LUZP2: variants seen among roughly 807,000 people sequenced by gnomAD.
LUZP2 encodes leucine zipper protein 2.
In LUZP2, 52 loss-of-function variants were observed where a neutral mutation model predicts 51.6. The observed-to-expected ratio is 1.01, with a 90% CI of 0.81 to 1.27. LUZP2 has a LOEUF of 1.27. Ranked by LOEUF, LUZP2 falls within the 50% of genes most tolerant of loss-of-function variation. LUZP2 has a pLI of 0.00. For synonymous variants in LUZP2, 154 were observed against 137.3 expected (o/e 1.12, Z -0.85); for missense variants, 436 against 395.4 (o/e 1.10, Z -0.87).
chr11:24,909,879 C>A (rs1197979908), intron 6 of LUZP2, among the ~76,000 whole-genome samples: 1 of 152,034 alleles, frequency 6.6e-6, no homozygotes, highest in Non-Finnish European at 1.5e-5. Flanking sequence ...TTGGAACTGG[C>A]TAACAGGCAG....
intron 5 of LUZP2, among the ~76,000 whole-genome samples, chr11:24,781,859 T>C (rs1458106541): frequency 6.6e-6 from 1 of 152,068 alleles, no homozygotes; most frequent in African/African-American, 2.4e-5. Flanking sequence ...GAAACTTTAA[T>C]ATGTATGAAA....
At chr11:24,953,050 A>G (rs531553190) in intron 7 of LUZP2, among the ~76,000 whole-genome samples, 2 of 152,088 alleles carry the variant, frequency 1.3e-5, no homozygotes, top group South Asian at 4.1e-4. Context: ...GAAATAGACT[A>G]CAGAAATGCA....
intron 1 of LUZP2, among the ~76,000 whole-genome samples, chr11:24,573,863 ATT>A (rs142461511): frequency 6.6e-6 from 1 of 151,016 alleles, no homozygotes; most frequent in East Asian, 1.9e-4. Flanking sequence ...TTCTTGTTTT[ATT>A]TTTTTTATTT....
At chr11:24,779,628 T>C (rs1181106719) in intron 5 of LUZP2, among the ~76,000 whole-genome samples, 1 of 152,160 alleles carries the variant, frequency 6.6e-6, no homozygotes, top group Non-Finnish European at 1.5e-5. Flanking sequence ...ACATGGAAAA[T>C]ACATGTAGTA....
chr11:25,053,276 G>A (rs1181673075), intron 10 of LUZP2, among the ~76,000 whole-genome samples: 1 of 152,066 alleles, frequency 6.6e-6, no homozygotes, highest in Non-Finnish European at 1.5e-5. Context: ...AACTAGAGTA[G>A]GAGATATTTT....
chr11:24,662,947 T>C (rs1856069068), intron 1 of LUZP2, among the ~76,000 whole-genome samples: 1 of 152,110 alleles, frequency 6.6e-6, no homozygotes, highest in African/African-American at 2.4e-5. Flanking sequence ...AAAAAATTCA[T>C]TAAAATGATT....
At chr11:24,500,057 C>T (rs374922112) in intron 1 of LUZP2, among the ~76,000 whole-genome samples, 13 of 152,246 alleles carry the variant, frequency 8.5e-5, no homozygotes, top group African/African-American at 2.6e-4. Context: ...CTTGTTCCTC[C>T]TTCTCACCTT....
intron 9 of LUZP2, among the ~76,000 whole-genome samples, chr11:25,034,284 TG>T (rs1479125746): frequency 2.0e-5 from 3 of 152,200 alleles, no homozygotes; most frequent in Admixed American, 2.0e-4. Context: ...ATTTGTTTTT[TG>T]CCTGTTGATT....
In LUZP2 at chr11:24,913,669, T is replaced by TTGTGTGTGTG. The variant is rs35901522; in HGVS notation, c.460-789_460-780dup. 9.4e-5 allele frequency among the ~76,000 whole-genome samples: 14 copies of TTGTGTGTGTG among 148,550 alleles called. No individual in the cohort carries two copies. In the South Asian group the frequency reaches 1.7e-3, roughly 18 times the overall value. ...CATGTGATCATGCTAATCTATTTAT[T>TTGTGTGTGTG]TGTGTGTGTGTGTGTGTGTGTGTGT... On this transcript the variant is annotated intron_variant, in intron 6 of 11. Coordinates refer to ENST00000336930, the MANE Select transcript of LUZP2 (RefSeq NM_001009909.4).
At chr11:25,053,295 T>A (rs991762816) in intron 10 of LUZP2, among the ~76,000 whole-genome samples, 3 of 152,162 alleles carry the variant, frequency 2.0e-5, no homozygotes, top group Non-Finnish European at 4.4e-5. Flanking sequence ...TTTGGTTAAC[T>A]TTTTTCTATT....
intron 1 of LUZP2, among the ~76,000 whole-genome samples, chr11:24,504,595 CT>C (rs1850095471): frequency 1.3e-5 from 2 of 152,118 alleles, no homozygotes; most frequent in South Asian, 4.2e-4. Context: ...ATAGCTGTGC[CT>C]TGTAGTCCCT....
At chr11:24,992,042 C>A (rs1349159346) in intron 9 of LUZP2, among the ~76,000 whole-genome samples, 1 of 151,814 alleles carries the variant, frequency 6.6e-6, no homozygotes, top group Middle Eastern at 3.2e-3. Flanking sequence ...GCTGACTGTT[C>A]CTTTTGTGGT....
intron 10 of LUZP2, among the ~76,000 whole-genome samples, chr11:25,061,524 G>A (rs781742651): frequency 3.3e-5 from 5 of 152,086 alleles, no homozygotes; most frequent in Non-Finnish European, 7.4e-5. Flanking sequence ...TGGGTGAACC[G>A]CATAGTGAAG....
chr11:24,854,543 A>C (rs998461497), intron 5 of LUZP2, among the ~76,000 whole-genome samples: 23 of 151,992 alleles, frequency 1.5e-4, no homozygotes, highest in Admixed American at 3.3e-4. Context: ...AGTGGATCTT[A>C]GCTTGCTGGG....
At chr11:24,729,404 T>C in intron 2 of LUZP2, 118 bp downstream of exon 2, 3 of 522,670 alleles carry the variant, frequency 5.7e-6, no homozygotes, top group Non-Finnish European at 6.8e-6. Context: ...ACCATGGTGG[T>C]TGTTACTTAC....
At chr11:24,542,733 A>G (rs895463658) in intron 1 of LUZP2, among the ~76,000 whole-genome samples, 3 of 121,060 alleles carry the variant, frequency 2.5e-5, no homozygotes, top group African/African-American at 1.1e-4. Flanking sequence ...AATCACTTTT[A>G]TTCAAAAAAA....
chr11:24,579,919 C>T (rs1852789944), intron 1 of LUZP2, among the ~76,000 whole-genome samples: 1 of 152,016 alleles, frequency 6.6e-6, no homozygotes, highest in East Asian at 1.9e-4. Flanking sequence ...TACATCTAAG[C>T]AAGAACTATG....
chr11:24,503,995 T>G (rs1002126726), intron 1 of LUZP2, among the ~76,000 whole-genome samples: 5 of 152,166 alleles, frequency 3.3e-5, no homozygotes, highest in African/African-American at 1.2e-4. Flanking sequence ...AAGAATGAGC[T>G]GGCCTAAATA....
rs72878842 is a variant in LUZP2, at chr11:24,596,056, G to C, written c.62+98751G>C. Among the ~76,000 whole-genome samples, 201 of 152,236 alleles carry C rather than the reference G, an allele frequency of 1.3e-3. 1 individual carries two copies. The highest frequency in any genetic ancestry group is 2.3e-3 in the Non-Finnish European group (156 of 68,018). On this transcript the variant is annotated intron_variant, in intron 1 of 11. Transcript: ENST00000336930. The stretch of plus-strand genomic sequence containing the variant: ...GTGACTCAGTTTTATCCATTTCATG[G>C]AGAATTTTTAAACTGCAGTAGTAGA...
Sources: allele counts gnomAD v4.1 joint callset (sites outside exome capture counted in the v4.1 genomes callset), GRCh38; gene constraint gnomAD v4.1.1; transcripts MANE v1.5; gene names NCBI Gene and HGNC (gene_info 2026-07-23, HGNC 2026-07-21).